Variants in PCDH15 observed in about 807,000 individuals in gnomAD.
The protein encoded by PCDH15 is protocadherin related 15.
PCDH15 carries 129 observed loss-of-function variants against 178.5 expected under a neutral mutation model. The observed-to-expected ratio is 0.72, with a 90% CI of 0.63 to 0.84. The LOEUF is 0.84. Ranked by LOEUF, PCDH15 falls within the 40% of genes least tolerant of loss-of-function variation. PCDH15 has a pLI of 0.00. For synonymous variants in PCDH15, 800 were observed against 732.0 expected (o/e 1.09, Z -1.50); for missense variants, 2,230 against 2,099.9 (o/e 1.06, Z -1.21).
At chr10:54,138,871 C>A (rs532393563) in intron 14 of PCDH15, among the ~76,000 whole-genome samples, 1 of 151,796 alleles carries the variant, frequency 6.6e-6, no homozygotes, top group African/African-American at 2.4e-5. Flanking sequence ...TGTTTATATG[C>A]GTCTTAATGG....
intron 2 of PCDH15, among the ~76,000 whole-genome samples, chr10:54,910,925 G>A (rs986955205): frequency 4.6e-5 from 7 of 152,170 alleles, no homozygotes; most frequent in African/African-American, 1.7e-4. Flanking sequence ...AGATGGGACA[G>A]TGGAAACCAT....
At chr10:53,871,971 C>T (rs1437171196) in intron 26 of PCDH15, among the ~76,000 whole-genome samples, 1 of 152,100 alleles carries the variant, frequency 6.6e-6, no homozygotes, top group Non-Finnish European at 1.5e-5. Flanking sequence ...TATGGAGAAA[C>T]CCCGTCTCTA....
At chr10:54,851,350 AAAT>A (rs1246669088) in intron 3 of PCDH15, among the ~76,000 whole-genome samples, 2 of 152,162 alleles carry the variant, frequency 1.3e-5, no homozygotes, top group Non-Finnish European at 2.9e-5. Context: ...TAAAATGACA[AAAT>A]AAATATTATA....
chr10:54,931,000 A>C (rs555209602), intron 2 of PCDH15, among the ~76,000 whole-genome samples: 1 of 152,318 alleles, frequency 6.6e-6, no homozygotes. Context: ...TTGATGGATT[A>C]TATATTTACT....
chr10:54,956,543 T>G (rs1466074229), intron 2 of PCDH15, among the ~76,000 whole-genome samples: 5 of 151,548 alleles, frequency 3.3e-5, no homozygotes, highest in Admixed American at 2.0e-4. Context: ...GAGTTCTACT[T>G]TGCCAAGGAA....
intron 8 of PCDH15, among the ~76,000 whole-genome samples, chr10:54,239,948 A>C (rs925683243): frequency 2.0e-5 from 3 of 152,150 alleles, no homozygotes; most frequent in Non-Finnish European, 2.9e-5. Flanking sequence ...TTAATACATG[A>C]CATTAAAGAA....
At chr10:54,922,617 G>C (rs996987949) in intron 2 of PCDH15, among the ~76,000 whole-genome samples, 1 of 151,986 alleles carries the variant, frequency 6.6e-6, no homozygotes, top group Non-Finnish European at 1.5e-5. Context: ...AGGGGCCAGG[G>C]GTGGAATGAT....
chr10:54,612,337 G>C (rs758238282), intron 2 of PCDH15, among the ~76,000 whole-genome samples: 16 of 151,822 alleles, frequency 1.1e-4, no homozygotes, highest in African/African-American at 1.4e-4. Flanking sequence ...GCACTACACA[G>C]AGTGGCATGA....
chr10:54,924,718 A>G (rs947597125), intron 2 of PCDH15, among the ~76,000 whole-genome samples: 2 of 152,120 alleles, frequency 1.3e-5, no homozygotes, highest in Admixed American at 6.6e-5. Context: ...TTTTTAAAAT[A>G]TAATTGTTGG....
chr10:53,904,792 A>T (rs1013452885), intron 25 of PCDH15, among the ~76,000 whole-genome samples: 5 of 152,226 alleles, frequency 3.3e-5, no homozygotes, highest in Non-Finnish European at 7.3e-5. Flanking sequence ...TCTAGAATAA[A>T]AAATGCGAAC....
At chr10:53,925,863 CATT>C (rs1224910882) in intron 25 of PCDH15, among the ~76,000 whole-genome samples, 1 of 152,140 alleles carries the variant, frequency 6.6e-6, no homozygotes, top group African/African-American at 2.4e-5. Flanking sequence ...ACTTAAGCCT[CATT>C]ATTTTACATT....
At chr10:54,721,917 A>G (rs1941686337) in intron 1 of PCDH15, among the ~76,000 whole-genome samples, 1 of 151,846 alleles carries the variant, frequency 6.6e-6, no homozygotes, top group Non-Finnish European at 1.5e-5. Flanking sequence ...CGACAATGTA[A>G]AAGAAAGCTA....
chr10:55,520,145 T>C (rs1841128183), intron 2 of PCDH15, among the ~76,000 whole-genome samples: 1 of 116,560 alleles, frequency 8.6e-6, no homozygotes, highest in African/African-American at 3.2e-5. Flanking sequence ...TGTGTATATA[T>C]ATATACACGC....
intron 20 of PCDH15, among the ~76,000 whole-genome samples, chr10:53,999,483 T>A (rs758616303): frequency 6.6e-6 from 1 of 152,214 alleles, no homozygotes; most frequent in Non-Finnish European, 1.5e-5. Flanking sequence ...CATAAAAGGC[T>A]ACATCTGCAG....
rs563141409 is a variant in PCDH15 at position 55,539,397 on chromosome 10, A to G, written c.-156+88228T>C. On this transcript the variant is annotated intron_variant, in intron 2 of 5. Transcript: ENST00000613346. Reference sequence around the variant, plus strand: ...TCTTTTCTCAGACATCTACTATGCAATTATGTTTATTGTAATTCCCTCATA... The same window carrying G: ...TCTTTTCTCAGACATCTACTATGCAGTTATGTTTATTGTAATTCCCTCATA... 6.6e-5 allele frequency among the ~76,000 whole-genome samples: 10 copies of G among 152,070 alleles called. No homozygotes were observed. The East Asian group carries it at 9.7e-4, about 15-fold the overall frequency.
intron 2 of PCDH15, among the ~76,000 whole-genome samples, chr10:55,626,502 T>C (rs1837532867): frequency 6.6e-6 from 1 of 152,216 alleles, no homozygotes; most frequent in Non-Finnish European, 1.5e-5. Flanking sequence ...CTGATTACTG[T>C]ATGTAGATAT....
chr10:53,931,341 A>G (rs1358242987), intron 25 of PCDH15, among the ~76,000 whole-genome samples: 1 of 152,212 alleles, frequency 6.6e-6, no homozygotes, highest in African/African-American at 2.4e-5. Context: ...TATGAGTGGT[A>G]TGTATGCTAC....
intron 25 of PCDH15, among the ~76,000 whole-genome samples, chr10:53,920,891 T>A (rs190433275): frequency 6.6e-6 from 1 of 151,952 alleles, no homozygotes; most frequent in Admixed American, 6.5e-5. Context: ...AAGAGAGAAG[T>A]GGCCTTGAAA....
chr10:54,742,948 T>G (rs1944996347), intron 1 of PCDH15, among the ~76,000 whole-genome samples: 1 of 152,064 alleles, frequency 6.6e-6, no homozygotes, highest in African/African-American at 2.4e-5. Flanking sequence ...CTTACAATAT[T>G]CACCATAAGT....
Sources: allele counts gnomAD v4.1 joint callset (sites outside exome capture counted in the v4.1 genomes callset), GRCh38; gene constraint gnomAD v4.1.1; transcripts MANE v1.5; gene names NCBI Gene and HGNC (gene_info 2026-07-23, HGNC 2026-07-21).